OSBPL6: variants seen among roughly 807,000 people sequenced by gnomAD.
OSBPL6 encodes the protein oxysterol binding protein like 6.
Under a neutral mutation model 125.8 loss-of-function variants are expected in OSBPL6, and 49 were observed. The observed-to-expected ratio is 0.39, with a 90% CI of 0.31 to 0.49. OSBPL6 has a LOEUF of 0.49. Among genes scored for constraint, OSBPL6 ranks in the 20% least tolerant of loss-of-function variants. The pLI is 0.88. For missense variants in OSBPL6, 986 were observed against 1,135.4 expected, an observed-to-expected ratio of 0.87 and a Z score of 1.89; for synonymous variants, 394 against 391.8, an observed-to-expected ratio of 1.01 and a Z score of -0.07.
intron 1 of OSBPL6, among the ~76,000 whole-genome samples, chr2:178,199,316 C>T (rs1055955124): frequency 6.6e-6 from 1 of 152,100 alleles, no homozygotes. Flanking sequence ...CATTATTTTC[C>T]GTCCTCTTCT....
At position 178,331,535 on chromosome 2, in the gene OSBPL6, G is replaced by T. The variant is rs776867560; in HGVS notation, c.319-17G>T. The T allele has an allele frequency of 6.2e-7, 1 of 1,613,966 alleles. No homozygotes were observed. The highest frequency in any genetic ancestry group is 8.5e-7 in the Non-Finnish European group (1 of 1,179,846). ...TTCAAAATACAGACAGTAACTGGGG[G>T]TGTTTGGTTCTTGCAGCGTTTTTTT... is the stretch of plus-strand genomic sequence containing the variant. On this transcript the variant is annotated splice_polypyrimidine_tract_variant and intron_variant, in intron 5 of 24. Coordinates refer to ENST00000190611, the MANE Select transcript of OSBPL6 (RefSeq NM_032523.4).
intron 24 of OSBPL6, among the ~76,000 whole-genome samples, chr2:178,395,204 G>A (rs1244788012): frequency 6.6e-6 from 1 of 152,102 alleles, no homozygotes; most frequent in African/African-American, 2.4e-5. Context: ...ACCCCTGCCA[G>A]GAGGTAATTT....
At chr2:178,383,388 A>G in intron 17 of OSBPL6, 111 bp downstream of exon 17, 1 of 1,396,368 alleles carries the variant, frequency 7.2e-7, no homozygotes, top group Non-Finnish European at 9.5e-7. Context: ...TTCTTACTGC[A>G]TAGTAAAAGA....
Position 178,383,219 on chromosome 2 carries a change from T to C in OSBPL6, c.1817T>C (p.Met606Thr), listed in dbSNP as rs767748346. Residue 606 changes from methionine to threonine, a missense_variant, in exon 17 of 25, where the codon ATG becomes ACG. Met to Thr is a moderately conservative substitution (Grantham distance 81). Coordinates refer to ENST00000190611, the MANE Select transcript of OSBPL6 (RefSeq NM_032523.4). ...LNTLQHLCEE[M>T]EYSELLDKAS... ...ACCCTGCAGCACCTCTGTGAGGAAA[T>C]GGAATACAGCGAGCTCCTGGACAAG... 1 of 1,614,204 alleles carries C rather than the reference T, an allele frequency of 6.2e-7. No homozygotes were observed. The highest frequency in any genetic ancestry group is 8.5e-7 in the Non-Finnish European group (1 of 1,180,022).
chr2:178,331,449 A>C (rs1689186904), intron 5 of OSBPL6, 103 bp from the exon 6 acceptor site: 1 of 1,205,344 alleles, frequency 8.3e-7, no homozygotes, highest in Non-Finnish European at 1.2e-6. Context: ...AAAATGATCA[A>C]ACATATTGAT....
intron 19 of OSBPL6, 35 bp from the exon 20 acceptor site, chr2:178,387,026 G>T (rs756130656): frequency 2.2e-6 from 3 of 1,375,394 alleles, no homozygotes; most frequent in East Asian, 2.3e-5. Context: ...TAGATATGGG[G>T]TATGTATTTC....
At chr2:178,361,638 C>T in intron 12 of OSBPL6, 44 bp from the exon 13 acceptor site, 2 of 1,604,766 alleles carry the variant, frequency 1.2e-6, no homozygotes, top group Non-Finnish European at 8.5e-7. Context: ...TGTATTCTTT[C>T]TGCACATATC....
intron 1 of OSBPL6, among the ~76,000 whole-genome samples, chr2:178,282,735 T>C (rs1408443660): frequency 6.6e-6 from 1 of 152,204 alleles, no homozygotes; most frequent in African/African-American, 2.4e-5. Flanking sequence ...CACTTCAATT[T>C]CTACCTCCCG....
intron 13 of OSBPL6, among the ~76,000 whole-genome samples, chr2:178,363,283 G>A (rs1057068243): frequency 2.0e-5 from 3 of 152,162 alleles, no homozygotes; most frequent in Admixed American, 1.3e-4. Flanking sequence ...CTTCAGGTGA[G>A]ATTAGAAATA....
At chr2:178,291,702 C>T (rs1409499945) in intron 2 of OSBPL6, among the ~76,000 whole-genome samples, 2 of 149,240 alleles carry the variant, frequency 1.3e-5, no homozygotes, top group African/African-American at 5.0e-5. Flanking sequence ...TCCTTCCTTC[C>T]TTCTTTCCTC....
chr2:178,390,088 G>A (rs1259473180), intron 21 of OSBPL6, among the ~76,000 whole-genome samples: 1 of 152,212 alleles, frequency 6.6e-6, no homozygotes, highest in Non-Finnish European at 1.5e-5. Context: ...TGTAGGCTAT[G>A]AGAAGCTGCA....
Position 178,257,283 on chromosome 2 carries a change from A to G in OSBPL6, c.-350-27644A>G, listed in dbSNP as rs1256211300. 2.0e-5 allele frequency among the ~76,000 whole-genome samples: 3 copies of G among 152,356 alleles called. No homozygotes were observed. The East Asian group carries it at 5.8e-4, about 29-fold the overall frequency. On this transcript the variant is annotated intron_variant, in intron 1 of 24. Coordinates refer to ENST00000190611, the MANE Select transcript of OSBPL6 (RefSeq NM_032523.4). ...TTCCTTCTAGAATATGCTTTTAGGC[A>G]TCTTCTCTTGACCATCAAGTTTGTG...
chr2:178,311,334 AG>A lies in OSBPL6; in HGVS notation c.102+5049del, dbSNP rs555108555. On this transcript the variant is annotated intron_variant, in intron 3 of 24. Transcript: ENST00000190611. ...GTCTCCAAATATACCCTCCTTGGGC[AG>A]CCTTCTCTGCCCTTCCCTGCATGTA... Among the ~76,000 whole-genome samples the A allele has an allele frequency of 2.4e-3, 358 of 152,184 alleles. 3 individuals carry two copies. The highest frequency in any genetic ancestry group is 8.3e-3 in the African/African-American group (345 of 41,512).
chr2:178,247,580 T>G (rs2091540285), intron 1 of OSBPL6, among the ~76,000 whole-genome samples: 2 of 152,168 alleles, frequency 1.3e-5, no homozygotes, highest in Non-Finnish European at 2.9e-5. Context: ...TGTTTTCAAT[T>G]TCTCCTTCTT....
intron 3 of OSBPL6, among the ~76,000 whole-genome samples, chr2:178,311,414 A>G (rs940089597): frequency 6.6e-6 from 1 of 152,110 alleles, no homozygotes; most frequent in Non-Finnish European, 1.5e-5. Context: ...AGCATTGACT[A>G]CCACCTGGCA....
chr2:178,331,439 A>T, intron 5 of OSBPL6, 113 bp from the exon 6 acceptor site: 1 of 1,122,076 alleles, frequency 8.9e-7, no homozygotes, highest in Non-Finnish European at 1.4e-6. Flanking sequence ...CAGATACATT[A>T]AAATGATCAA....
chr2:178,209,091 A>C (rs1414954556), intron 1 of OSBPL6, among the ~76,000 whole-genome samples: 3 of 151,938 alleles, frequency 2.0e-5, no homozygotes, highest in Non-Finnish European at 4.4e-5. Context: ...TTTATGTTCA[A>C]TCTTTTGTCC....
At chr2:178,232,862 T>C (rs1403929161) in intron 1 of OSBPL6, among the ~76,000 whole-genome samples, 1 of 152,214 alleles carries the variant, frequency 6.6e-6, no homozygotes, top group African/African-American at 2.4e-5. Context: ...GGGTAGGACC[T>C]GTTACTGGGC....
At chr2:178,294,644 T>C (rs1365292185) in intron 2 of OSBPL6, among the ~76,000 whole-genome samples, 1 of 151,856 alleles carries the variant, frequency 6.6e-6, no homozygotes, top group Non-Finnish European at 1.5e-5. Context: ...CAATTTATGA[T>C]GAGATTAACC....
Sources: gnomAD v4.1 joint callset for allele counts (sites outside exome capture counted in the v4.1 genomes callset) on GRCh38, gnomAD v4.1.1 for gene constraint, MANE v1.5 for transcripts, NCBI Gene and HGNC (gene_info 2026-07-23, HGNC 2026-07-21) for gene names.